Variants in CFH observed in about 807,000 individuals in gnomAD.
CFH encodes H factor 1 (complement).
In CFH, 53 loss-of-function variants were observed where a neutral mutation model predicts 147.3. The observed-to-expected ratio is 0.36, with a 90% CI of 0.29 to 0.45. CFH has a LOEUF of 0.45. CFH is among the 20% of genes least tolerant of loss of function. The pLI is 1.00. For missense variants in CFH, 1,380 were observed against 1,498.0 expected, an observed-to-expected ratio of 0.92 and a Z score of 1.30; for synonymous variants, 536 against 489.4, an observed-to-expected ratio of 1.10 and a Z score of -1.26.
Position 196,677,603 on chromosome 1 carries a change from A to T in CFH, c.555A>T (p.Glu185Asp), listed in dbSNP as rs1241078689. ...TATGTAACTCAGGCTACAAGATTGA[A>T]GGAGATGAAGAAATGCATTGTTCAG... is the stretch of plus-strand genomic sequence containing the variant. ...RFVCNSGYKI[E>D]GDEEMHCSDD... Residue 185 changes from glutamate to aspartate, a missense_variant, in exon 5 of 22, where the codon GAA becomes GAT. Physicochemically the swap from Glu to Asp is conservative, Grantham distance 45. Transcript: ENST00000367429. The T allele has an allele frequency of 6.2e-7, 1 of 1,613,236 alleles. No individual in the cohort carries two copies. Among genetic ancestry groups the T allele is most frequent in the African/African-American group, 1.3e-5 (1 of 74,894 alleles).
At position 196,737,653 on chromosome 1, in the gene CFH, G is replaced by T. The variant is rs1431542868; in HGVS notation, c.2775G>T (p.Gln925His). ...TGGGAAAATGGAGTTCTCCACCTCA[G>T]TGTGAAGGTTAGGCCAATATGAATA... ...CYMGKWSSPP[Q>H]CEGLPCKSPP... is the part of the protein sequence containing the mutation. Residue 925 changes from glutamine to histidine, a missense_variant, in exon 17 of 22, where the codon CAG (glutamine) becomes CAT (histidine). Around this residue, in one of 4 missense-constraint regions of CFH, gnomAD observed 830 missense variants for 821.4 expected, o/e 1.01. Coordinates refer to ENST00000367429, the MANE Select transcript of CFH (RefSeq NM_000186.4). The T allele has an allele frequency of 6.2e-7, 1 of 1,613,114 alleles. No homozygotes were observed. Among genetic ancestry groups the T allele is most frequent in the South Asian group, 1.1e-5 (1 of 91,040 alleles).
At chr1:196,708,439 C>T (rs1210645189) in intron 9 of CFH, among the ~76,000 whole-genome samples, 1 of 152,112 alleles carries the variant, frequency 6.6e-6, no homozygotes, top group Non-Finnish European at 1.5e-5. Flanking sequence ...ATTACATAGG[C>T]CCTCCATGGC....
chr1:196,719,591 T>C (rs973494061), intron 11 of CFH, among the ~76,000 whole-genome samples: 1 of 151,912 alleles, frequency 6.6e-6, no homozygotes, highest in Admixed American at 6.6e-5. Context: ...TTCTTTTTAG[T>C]ATGATTCTAA....
At chr1:196,710,458 C>T (rs1388780685) in intron 9 of CFH, among the ~76,000 whole-genome samples, 3 of 152,128 alleles carry the variant, frequency 2.0e-5, no homozygotes, top group Admixed American at 1.3e-4. Context: ...TTCTATTCTT[C>T]CACGTGTTTG....
intron 10 of CFH, among the ~76,000 whole-genome samples, chr1:196,715,385 TG>T (rs1668844339): frequency 6.6e-6 from 1 of 152,030 alleles, no homozygotes; most frequent in Non-Finnish European, 1.5e-5. Context: ...GCTTAAGCAA[TG>T]AAAAAAAATG....
At position 196,692,708 on chromosome 1, in the gene CFH, TTTTCTTTC is replaced by T. The variant is rs61229706; in HGVS notation, c.1336+2483_1336+2490del. 1.8e-4 allele frequency among the ~76,000 whole-genome samples: 22 copies of T among 122,856 alleles called. 1 individual carries two copies. The highest frequency in any genetic ancestry group is 1.1e-3 in the South Asian group (4 of 3,796). 80.6% of individuals were successfully genotyped at this position (122,856 alleles called of 152,430 possible). On this transcript the variant is annotated intron_variant, in intron 9 of 21. Transcript: ENST00000367429. ...TTTCTTTCTCTTTCCCTTCCTTTCT[TTTTCTTTC>T]TTTCTTTCTTTCTCTTTCCCTTCCT...
chr1:196,692,218 T>C, intron 9 of CFH, among the ~76,000 whole-genome samples: 1 of 152,014 alleles, frequency 6.6e-6, no homozygotes, highest in East Asian at 1.9e-4. Context: ...CAACCTCCAC[T>C]CCCTGAATTT....
chr1:196,673,338 G>T, intron 2 of CFH, 175 bp downstream of exon 2: 1 of 630,246 alleles, frequency 1.6e-6, no homozygotes, highest in Non-Finnish European at 2.7e-6. Context: ...CTAGGCTGCA[G>T]TGCAGTGGCG....
intron 12 of CFH, among the ~76,000 whole-genome samples, chr1:196,726,046 C>T (rs1030704060): frequency 1.1e-4 from 17 of 152,084 alleles, no homozygotes; most frequent in East Asian, 1.9e-4. Flanking sequence ...TAAGTTTCAC[C>T]GGGTGTGTCT....
At chr1:196,686,904 C>T (rs760542765) in intron 7 of CFH, among the ~76,000 whole-genome samples, 12 of 151,992 alleles carry the variant, frequency 7.9e-5, no homozygotes, top group African/African-American at 1.4e-4. Flanking sequence ...AATTATCAGA[C>T]GCATGACTTT....
At chr1:196,672,246 A>G (rs928102481) in intron 1 of CFH, among the ~76,000 whole-genome samples, 1 of 152,188 alleles carries the variant, frequency 6.6e-6, no homozygotes, top group African/African-American at 2.4e-5. Context: ...TCCAGAGCTG[A>G]CAAACATAAC....
rs34018998 is a variant in CFH at position 196,728,733 on chromosome 1, GCA to G, written c.2413+236_2413+237del. Among the ~76,000 whole-genome samples the G allele has an allele frequency of 4.5e-3, 653 of 144,728 alleles. 6 individuals carry two copies. The highest frequency in any genetic ancestry group is 0.04 in the East Asian group (201 of 5,000). The allele number at this position is 144,728 out of a possible 152,430, so 94.9% of individuals were successfully genotyped here. A position where few individuals can be genotyped will look rare whatever the true frequency, so the allele number is the denominator to read the frequency against. On this transcript the variant is annotated intron_variant, in intron 15 of 21. Coordinates refer to ENST00000367429, the MANE Select transcript of CFH (RefSeq NM_000186.4). Reference sequence around the variant, plus strand: ...AGTATAAACACACACACACACACACGCACACACACACACACACACACACACAT... The same window carrying G: ...AGTATAAACACACACACACACACACGCACACACACACACACACACACACAT...
chr1:196,668,188 T>G (rs1448639591), intron 1 of CFH, among the ~76,000 whole-genome samples: 1 of 152,158 alleles, frequency 6.6e-6, no homozygotes, highest in African/African-American at 2.4e-5. Flanking sequence ...TTTGCTTATA[T>G]TTTAGATCAG....
At chr1:196,672,844 G>A in intron 1 of CFH, 134 bp from the exon 2 acceptor site, 1 of 318,486 alleles carries the variant, frequency 3.1e-6, no homozygotes, top group Non-Finnish European at 5.5e-6. Context: ...ATGGGGTTAG[G>A]AGAGAGAGAG....
At chr1:196,731,945 T>C (rs972461880) in intron 15 of CFH, among the ~76,000 whole-genome samples, 1 of 152,012 alleles carries the variant, frequency 6.6e-6, no homozygotes, top group Non-Finnish European at 1.5e-5. Context: ...GATAATTTGA[T>C]TGTGTTATGT....
intron 6 of CFH, among the ~76,000 whole-genome samples, chr1:196,681,642 A>G (rs1667662365): frequency 6.6e-6 from 1 of 151,838 alleles, no homozygotes; most frequent in African/African-American, 2.4e-5. Flanking sequence ...AAGAGAAGGC[A>G]CTGGGATTGG....
At position 196,736,902 on chromosome 1, in the gene CFH, A is replaced by T. The variant is rs1190694391; in HGVS notation, c.2492A>T (p.Asp831Val). ...HNMTTTLNYR[D>V]GEKVSVLCQE... ...ATGACAACCACACTGAATTATCGGG[A>T]TGGAGAAAAAGTATCTGTTCTTTGC... The change falls in exon 16 of 22, where the codon GAT (aspartate) becomes GTT (valine). Residue 831 changes from aspartate (D) to valine (V), a missense_variant. Physicochemically the swap from Asp to Val is radical, Grantham distance 152. Transcript: ENST00000367429. 1 of 1,610,322 alleles carries T rather than the reference A, an allele frequency of 6.2e-7. No individual in the cohort carries two copies. Among genetic ancestry groups the T allele is most frequent in the Non-Finnish European group, 8.5e-7 (1 of 1,177,724 alleles).
At chr1:196,685,850 G>A (rs574074636) in intron 7 of CFH, among the ~76,000 whole-genome samples, 6 of 152,046 alleles carry the variant, frequency 3.9e-5, no homozygotes, top group Non-Finnish European at 5.9e-5. Flanking sequence ...AATAGAGGAA[G>A]CCACAATACC....
intron 1 of CFH, among the ~76,000 whole-genome samples, chr1:196,660,560 G>C (rs778680517): frequency 5.3e-5 from 8 of 152,158 alleles, no homozygotes; most frequent in Non-Finnish European, 8.8e-5. Context: ...ATGATGATCT[G>C]AACTAAGATT....
Sources: gnomAD v4.1 joint callset for allele counts (sites outside exome capture counted in the v4.1 genomes callset) on GRCh38, gnomAD v4.1.1 for gene constraint, gnomAD v4.1.1 regional missense constraint, MANE v1.5 for transcripts, NCBI Gene and HGNC (gene_info 2026-07-23, HGNC 2026-07-21) for gene names.